ANO3: variants seen among roughly 807,000 people sequenced by gnomAD.
ANO3 encodes the protein anoctamin-3.
A neutral mutation model predicts 144.8 loss-of-function variants in ANO3; 99 were observed. The observed-to-expected ratio is 0.68, with a 90% confidence interval of 0.58 to 0.81. The LOEUF is 0.81. ANO3 is among the 30% of genes least tolerant of loss of function. The pLI is 0.00. For missense variants in ANO3, 905 were observed against 1,202.2 expected (o/e 0.75, Z 3.66); for synonymous variants, 414 against 392.6 (o/e 1.05, Z -0.64).
intron 17 of ANO3, among the ~76,000 whole-genome samples, chr11:26,603,315 T>C (rs369089479): frequency 1.3e-5 from 2 of 152,092 alleles, no homozygotes; most frequent in East Asian, 3.8e-4. Context: ...GTCTAATATT[T>C]ATCACCTATT....
intron 1 of ANO3, among the ~76,000 whole-genome samples, chr11:26,351,962 A>G (rs1855656881): frequency 6.6e-6 from 1 of 152,216 alleles, no homozygotes; most frequent in African/African-American, 2.4e-5. Flanking sequence ...ATTAACAGCC[A>G]AGTAGCAATA....
In ANO3 at chr11:26,242,222, TTC is replaced by T. The variant is rs766784699; in HGVS notation, c.154+52894_154+52895del. On this transcript the variant is annotated intron_variant, in intron 1 of 27. Coordinates refer to the ANO3 transcript ENST00000672621. ...ATCTTCCCTTCGCCTAAATGTCTAG[TTC>T]TGTCTTTCACTCTTCTCTTCTACTA... is the stretch of plus-strand genomic sequence containing the variant. 1.1e-3 allele frequency among the ~76,000 whole-genome samples: 174 copies of T among 152,300 alleles called. 1 individual carries two copies. Among genetic ancestry groups the T allele is most frequent in the Middle Eastern group, 3.4e-3 (1 of 294 alleles).
At chr11:26,234,628 A>G (rs1852475368) in intron 1 of ANO3, among the ~76,000 whole-genome samples, 1 of 152,184 alleles carries the variant, frequency 6.6e-6, no homozygotes, top group Non-Finnish European at 1.5e-5. Context: ...AATAGCCAAC[A>G]TGACTCACAG....
chr11:26,488,440 G>A (rs1026543229), intron 4 of ANO3, among the ~76,000 whole-genome samples: 8 of 152,028 alleles, frequency 5.3e-5, no homozygotes, highest in Non-Finnish European at 8.8e-5. Flanking sequence ...TCTTGGTCTC[G>A]CTGACTTCAA....
At chr11:26,610,588 AC>A (rs895137496) in intron 17 of ANO3, among the ~76,000 whole-genome samples, 4 of 152,124 alleles carry the variant, frequency 2.6e-5, no homozygotes, top group Non-Finnish European at 5.9e-5. Context: ...TTTTTAAAAA[AC>A]ATCCTTGCCC....
intron 1 of ANO3, among the ~76,000 whole-genome samples, chr11:26,350,126 C>T (rs1281150444): frequency 6.6e-6 from 1 of 151,996 alleles, no homozygotes; most frequent in East Asian, 1.9e-4. Flanking sequence ...CCGACAAATG[C>T]AACCCAAATT....
intron 1 of ANO3, among the ~76,000 whole-genome samples, chr11:26,190,721 T>C (rs1851458303): frequency 1.3e-5 from 2 of 152,198 alleles, no homozygotes; most frequent in Non-Finnish European, 2.9e-5. Flanking sequence ...TTCCATTAGA[T>C]TCAACTATTG....
intron 18 of ANO3, among the ~76,000 whole-genome samples, chr11:26,631,186 G>GTCT (rs1458203734): frequency 1.3e-5 from 2 of 151,934 alleles, no homozygotes; most frequent in Non-Finnish European, 2.9e-5. Context: ...GGGTGGTGGA[G>GTCT]TCTTCTCTCT....
At position 26,544,273 on chromosome 11, in the gene ANO3, TAC is replaced by T. The variant is rs1554967702; in HGVS notation, c.1154+2211_1154+2212del. On this transcript the variant is annotated intron_variant, in intron 11 of 26. Coordinates refer to ENST00000256737, the MANE Select transcript of ANO3 (RefSeq NM_031418.4). ...ATACATATATATATATATATATATA[TAC>T]ACACATACACACACACACACACATA... 6.9e-3 allele frequency among the ~76,000 whole-genome samples: 403 copies of T among 58,254 alleles called. 17 individuals are homozygous for T. Among genetic ancestry groups the T allele is most frequent in the Middle Eastern group, 0.021 (2 of 94 alleles). 38.2% of individuals were successfully genotyped at this position (58,254 alleles called of 152,430 possible). A position where few individuals can be genotyped will look rare whatever the true frequency, so the allele number is the denominator to read the frequency against.
intron 1 of ANO3, among the ~76,000 whole-genome samples, chr11:26,366,149 C>A (rs1389009431): frequency 6.6e-6 from 1 of 152,002 alleles, no homozygotes; most frequent in Non-Finnish European, 1.5e-5. Flanking sequence ...CCCACCTCCC[C>A]TCACCCCACA....
At chr11:26,373,883 A>T (rs1564989469) in intron 1 of ANO3, among the ~76,000 whole-genome samples, 1 of 152,244 alleles carries the variant, frequency 6.6e-6, no homozygotes, top group Non-Finnish European at 1.5e-5. Flanking sequence ...AGCAAGCAAC[A>T]AGTAAGTTTC....
At chr11:26,437,919 G>T (rs553259968) in intron 1 of ANO3, among the ~76,000 whole-genome samples, 75 of 152,128 alleles carry the variant, frequency 4.9e-4, no homozygotes, top group Non-Finnish European at 9.4e-4. Flanking sequence ...TTTTGTTTTT[G>T]ATTTCTGGGA....
At chr11:26,350,050 G>A (rs1455564010) in intron 1 of ANO3, among the ~76,000 whole-genome samples, 1 of 150,522 alleles carries the variant, frequency 6.6e-6, no homozygotes, top group Non-Finnish European at 1.5e-5. Context: ...GGAGGAGACA[G>A]GAACGGAAGG....
chr11:26,195,166 C>T (rs1259214720), intron 1 of ANO3, among the ~76,000 whole-genome samples: 1 of 152,128 alleles, frequency 6.6e-6, no homozygotes, highest in East Asian at 1.9e-4. Context: ...TTTCTGTTGG[C>T]TACTAGGGTG....
chr11:26,437,807 C>T lies in ANO3; in HGVS notation c.47-4111C>T, dbSNP rs1347624221. Among the ~76,000 whole-genome samples the T allele has an allele frequency of 2.0e-5, 3 of 152,164 alleles. No homozygotes were observed. The South Asian group carries it at 6.2e-4, about 32-fold the overall frequency. Reference sequence around the variant, plus strand: ...TACATAAGTCTGATTTAAACACATACACACACGTAACTCATGTATGAGTAT... The same window carrying T: ...TACATAAGTCTGATTTAAACACATATACACACGTAACTCATGTATGAGTAT... On this transcript the variant is annotated intron_variant, in intron 1 of 26. Transcript: ENST00000256737.
chr11:26,288,163 G>A (rs1172580229), intron 1 of ANO3, among the ~76,000 whole-genome samples: 1 of 152,208 alleles, frequency 6.6e-6, no homozygotes, highest in Non-Finnish European at 1.5e-5. Flanking sequence ...AGGAAGCAGG[G>A]TAGAGTGGAG....
chr11:26,638,601 G>C lies in ANO3; in HGVS notation c.2044-543G>C, dbSNP rs150636411. Among the ~76,000 whole-genome samples, 20 of 152,302 alleles carry C rather than the reference G, an allele frequency of 1.3e-4. No homozygotes were observed. The South Asian group carries it at 2.3e-3, about 17-fold the overall frequency. ...TGGTGAAATCCAAAGAGAGCTTTGC[G>C]TTTAGCTAATTGTAATCTACTAATA... On this transcript the variant is annotated intron_variant, in intron 20 of 26. Coordinates refer to ENST00000256737, the MANE Select transcript of ANO3 (RefSeq NM_031418.4).
At chr11:26,462,205 T>G (rs574179360) in intron 3 of ANO3, among the ~76,000 whole-genome samples, 1 of 152,110 alleles carries the variant, frequency 6.6e-6, no homozygotes, top group Non-Finnish European at 1.5e-5. Context: ...TCACGTTTAG[T>G]AGATATCAAC....
intron 7 of ANO3, among the ~76,000 whole-genome samples, chr11:26,529,136 A>T (rs1324220418): frequency 1.6e-4 from 1 of 6,138 alleles, no homozygotes; most frequent in African/African-American, 3.0e-4. Context: ...TATATAATAT[A>T]TATTATATAA....
Sources: allele counts gnomAD v4.1 joint callset (sites outside exome capture counted in the v4.1 genomes callset), GRCh38; gene constraint gnomAD v4.1.1; transcripts MANE v1.5; gene names NCBI Gene and HGNC (gene_info 2026-07-23, HGNC 2026-07-21).